POLE: variants seen among roughly 807,000 people sequenced by gnomAD.
POLE encodes the protein DNA polymerase epsilon catalytic subunit A.
A neutral mutation model predicts 279.2 loss-of-function variants in POLE; 188 were observed. The ratio of observed to expected loss-of-function variants is 0.67; its 90% CI spans 0.60 to 0.76. The LOEUF (loss-of-function observed/expected upper bound fraction) is 0.76. POLE is among the 30% of genes least tolerant of loss of function. The probability of loss-of-function intolerance (pLI) is 0.00; values close to 1 mark genes in which losing one functional copy is unlikely to be tolerated. For missense variants in POLE, 2,703 were observed against 3,016.7 expected (o/e 0.90, Z 2.44); for synonymous variants, 1,214 against 1,172.5 (o/e 1.04, Z -0.72).
At chr12:132,681,091 A>G in intron 2 of POLE, 47 bp downstream of exon 2, 2 of 1,608,286 alleles carry the variant, frequency 1.2e-6, no homozygotes, top group Non-Finnish European at 8.5e-7. Flanking sequence ...CTATGACCAG[A>G]AGGGTTGCAG....
rs2135978649 is a variant in POLE, at chr12:132,668,768, G to T, written c.1924-31C>A. The T allele has an allele frequency of 1.2e-6, 2 of 1,613,856 alleles. No individual in the cohort carries two copies. The highest frequency in any genetic ancestry group is 1.7e-6 in the Non-Finnish European group (2 of 1,179,746). ...AGGGGTGAGAAAGCACTTAGGGCTG[G>T]GCAGAGAGAGCTCCGACTCTGACAC... On this transcript the variant is annotated intron_variant, in intron 17 of 48. Coordinates refer to ENST00000320574, the MANE Select transcript of POLE (RefSeq NM_006231.4). This position sits in a 1 kb window ranked among gnomAD's most constrained non-coding sequence, Gnocchi z 4.0.
At chr12:132,665,212 T>A in intron 21 of POLE, 90 bp downstream of exon 21, 2 of 1,326,296 alleles carry the variant, frequency 1.5e-6, no homozygotes, top group Non-Finnish European at 2.1e-6. Context: ...TGAACGGCCC[T>A]CCATGCACAG....
chr12:132,685,418 G>A (rs1241404330), intron 1 of POLE, among the ~76,000 whole-genome samples: 1 of 152,260 alleles, frequency 6.6e-6, no homozygotes, highest in Non-Finnish European at 1.5e-5. Context: ...ACCCCTACGA[G>A]GGAGGCCACT....
Position 132,667,398 on chromosome 12 carries a change from G to A in POLE, c.2319+105C>T. The A allele has an allele frequency of 3.4e-6, 4 of 1,180,402 alleles. No homozygotes were observed. In the South Asian group the frequency reaches 5.5e-5, roughly 16 times the overall value. The allele number at this position is 1,180,402 out of a possible 1,614,324, so 73.1% of individuals were successfully genotyped here. On this transcript the variant is annotated intron_variant, in intron 20 of 48. Transcript: ENST00000320574. ...ATTGCACGTTACCATCCGAGTGCAA[G>A]TGCCTGCTCAGAGGATCCCAGGCAA...
intron 1 of POLE, among the ~76,000 whole-genome samples, chr12:132,682,018 C>T (rs1000655460): frequency 6.6e-6 from 1 of 152,084 alleles, no homozygotes; most frequent in African/African-American, 2.4e-5. Flanking sequence ...AACCCTGTCT[C>T]TACTAAAAAT....
chr12:132,642,529 C>T lies in POLE; in HGVS notation c.4929G>A (p.Leu1643=), dbSNP rs2042169912. 6.2e-7 allele frequency: 1 copy of T among 1,613,746 alleles called. No individual in the cohort carries two copies. Among genetic ancestry groups the T allele is most frequent in the Non-Finnish European group, 8.5e-7 (1 of 1,180,026 alleles). The change falls in exon 37 of 49, where the codon CTG becomes CTA. Residue 1643 remains leucine, a synonymous_variant. Coordinates refer to ENST00000320574, the MANE Select transcript of POLE (RefSeq NM_006231.4). ...ACCTGCTCATCTCGAAGGCCTGCGA[C>T]AGGCAGGTGTCCAGGTTGAGGTAGT... ...IRHYLNLDTC[L]SQAFEMSRYF... is the part of the protein sequence containing the mutation.
At chr12:132,648,255 C>T (rs1027939569) in intron 32 of POLE, among the ~76,000 whole-genome samples, 5 of 151,564 alleles carry the variant, frequency 3.3e-5, no homozygotes, top group African/African-American at 1.2e-4. Flanking sequence ...GGAAGTGGAT[C>T]AGTGGCTACT....
Position 132,680,233 on chromosome 12 carries a change from T to C in POLE, c.286-11A>G. ...ATAGGGCAAAGCCACCTGTTAAGAG[T>C]CACCAACCCATCCAGGGGTGATGAG... On this transcript the variant is annotated splice_polypyrimidine_tract_variant and intron_variant, in intron 3 of 48. Transcript: ENST00000320574. 6.2e-7 allele frequency: 1 copy of C among 1,612,368 alleles called. No individual in the cohort carries two copies. The highest frequency in any genetic ancestry group is 8.5e-7 in the Non-Finnish European group (1 of 1,178,734).
intron 27 of POLE, 96 bp downstream of exon 27, chr12:132,657,772 A>G: frequency 1.1e-6 from 1 of 881,538 alleles, no homozygotes; most frequent in Non-Finnish European, 1.9e-6. Flanking sequence ...AAGAGTGAAG[A>G]CGCCAGACAA....
rs1565933849 is a variant in POLE, at chr12:132,639,718, G to A, written c.5379-420C>T. 6.6e-6 allele frequency among the ~76,000 whole-genome samples: 1 copy of A among 150,968 alleles called. No homozygotes were observed. Among genetic ancestry groups the A allele is most frequent in the Non-Finnish European group, 1.5e-5 (1 of 68,010 alleles). The stretch of plus-strand genomic sequence containing the variant: ...TGTAATCCCACCACTTTGGGAGGCC[G>A]AGGCAGGTGGATCACCTGAGGTCAA... On this transcript the variant is annotated intron_variant, in intron 39 of 48. Transcript: ENST00000320574. This position sits in a 1 kb window ranked among gnomAD's most constrained non-coding sequence, Gnocchi z 4.7.
chr12:132,668,712 G>A lies in POLE; in HGVS notation c.1949C>T (p.Thr650Ile), dbSNP rs115559742. ...LQPSAMVDEA[T>I]CAACDFNKPG... ...CTTATTGAAGTCACAGGCAGCACAGGTGGCTTCGTCCACCATGGCAGAGGG... is the reference window on the plus strand; with the variant it reads ...CTTATTGAAGTCACAGGCAGCACAGATGGCTTCGTCCACCATGGCAGAGGG... Residue 650 changes from threonine (T) to isoleucine (I), a missense_variant, in exon 18 of 49, where the codon ACC becomes ATC. Around this residue, in one of 5 missense-constraint regions of POLE, gnomAD observed 1,011 missense variants for 1,111.7 expected, o/e 0.91. Coordinates refer to ENST00000320574, the MANE Select transcript of POLE (RefSeq NM_006231.4). This position sits in a 1 kb window ranked among gnomAD's most constrained non-coding sequence, Gnocchi z 4.0. 8 of 1,614,118 alleles carry A rather than the reference G, an allele frequency of 5.0e-6. No homozygotes were observed. The highest frequency in any genetic ancestry group is 1.7e-4 in the Middle Eastern group (1 of 6,060).
At chr12:132,641,472 C>G in intron 39 of POLE, 175 bp downstream of exon 39, 1 of 619,588 alleles carries the variant, frequency 1.6e-6, no homozygotes, top group Non-Finnish European at 2.8e-6. Context: ...CAGGCCGGAC[C>G]CCCACAGTGG....
At chr12:132,643,120 G>T in intron 35 of POLE, 104 bp downstream of exon 35, 1 of 1,473,544 alleles carries the variant, frequency 6.8e-7, no homozygotes, top group East Asian at 2.4e-5. Flanking sequence ...ATGGGCAAAG[G>T]CCCTTGAGGA....
At chr12:132,656,829 T>C (rs539436036) in intron 29 of POLE, among the ~76,000 whole-genome samples, 2 of 152,216 alleles carry the variant, frequency 1.3e-5, no homozygotes. Context: ...TCATTTCACA[T>C]TCAGAAAACT....
chr12:132,653,078 G>T (rs2042458552), intron 29 of POLE, among the ~76,000 whole-genome samples: 1 of 152,088 alleles, frequency 6.6e-6, no homozygotes, highest in African/African-American at 2.4e-5. Flanking sequence ...ATTTTTATAT[G>T]TTCAATAAAG....
Position 132,664,196 on chromosome 12 carries a change from A to G in POLE, c.2562-48T>C, listed in dbSNP as rs4883592. 308,595 of 929,740 alleles carry G rather than the reference A, an allele frequency of 0.33. 79,266 individuals carry two copies. Among genetic ancestry groups the G allele is most frequent in the African/African-American group, 0.69 (38,598 of 55,600 alleles). The allele number at this position is 929,740 out of a possible 1,614,324, so 57.6% of individuals were successfully genotyped here. A position where few individuals can be genotyped will look rare whatever the true frequency, so the allele number is the denominator to read the frequency against. The stretch of plus-strand genomic sequence containing the variant: ...GGTCGTGAGTTCCCCTTTCCTTTTC[A>G]CCCAGTGTGTGGCCTCCAGCCTTCC... On this transcript the variant is annotated intron_variant, in intron 22 of 48. Coordinates refer to ENST00000320574, the MANE Select transcript of POLE (RefSeq NM_006231.4). The surrounding 1 kb of genome is among the most constrained non-coding windows in gnomAD (Gnocchi z 5.3).
intron 26 of POLE, 171 bp from the exon 27 acceptor site, chr12:132,658,141 G>A: frequency 1.8e-6 from 1 of 541,654 alleles, no homozygotes; most frequent in Non-Finnish European, 3.2e-6. Flanking sequence ...AGGTTCCTCG[G>A]GGAGTAACAC....
rs536988344 is a variant in POLE, at chr12:132,649,032, G to A, written c.4046C>T (p.Ala1349Val). 1.1e-5 allele frequency: 17 copies of A among 1,613,586 alleles called. No individual in the cohort carries two copies. Among genetic ancestry groups the A allele is most frequent in the East Asian group, 6.7e-5 (3 of 44,892 alleles). The change falls in exon 32 of 49, where the codon GCG becomes GTG. Residue 1349 changes from alanine (A) to valine (V), a missense_variant. Transcript: ENST00000320574. ...TSQAGLFRLWALVGSDLHCIR... is the reference protein window; with the variant it reads ...TSQAGLFRLWVLVGSDLHCIR... The stretch of plus-strand genomic sequence containing the variant: ...GCAGTGCAAGTCACTGCCAACGAGC[G>A]CCCACAGCCTGAACAGGCCGGCCTG...
In POLE at chr12:132,649,397, C is replaced by T. The variant is rs761617609; in HGVS notation, c.3914G>A (p.Gly1305Glu). The change falls in exon 31 of 49, where the codon GGG (glycine) becomes GAG (glutamate). Residue 1305 changes from glycine (G) to glutamate (E), a missense_variant. By Grantham distance (98) the Gly-to-Glu change is moderately conservative (BLOSUM62 -2). This residue lies in a region of POLE where 1,551 missense variants were observed against 1,686.1 expected (regional missense o/e 0.92). Coordinates refer to ENST00000320574, the MANE Select transcript of POLE (RefSeq NM_006231.4). ...CGTGGCAGGACCATCCCGGATGGCC[C>T]CGGGCCTGAGCACACCCTCTGCCGA... ...LESAEGVLRP[G>E]AIRDGPATGL... is the part of the protein sequence containing the mutation. 11 of 1,613,208 alleles carry T rather than the reference C, an allele frequency of 6.8e-6. No homozygotes were observed. In the African/African-American group the frequency reaches 1.3e-4, roughly 20 times the overall value.
Sources: allele counts gnomAD v4.1 joint callset (sites outside exome capture counted in the v4.1 genomes callset), GRCh38; gene constraint gnomAD v4.1.1; regional missense constraint gnomAD v4.1.1; non-coding constraint Gnocchi (gnomAD v3.1); transcripts MANE v1.5; gene names NCBI Gene and HGNC (gene_info 2026-07-23, HGNC 2026-07-21).